The following WDR49 variants were observed in gnomAD, a reference collection of about 807,000 sequenced individuals.
The protein encoded by WDR49 is WD repeat domain 49.
WDR49 carries 107 observed loss-of-function variants against 119.5 expected under a neutral mutation model. The observed-to-expected ratio is 0.90, with a 90% CI of 0.77 to 1.05. The LOEUF (loss-of-function observed/expected upper bound fraction) is 1.05, where lower values mean the gene tolerates loss of function less well. Ranked by LOEUF, WDR49 falls within the 50% of genes least tolerant of loss-of-function variation. WDR49 has a pLI of 0.00. For synonymous variants in WDR49, 425 were observed against 418.8 expected (o/e 1.01, Z -0.18); for missense variants, 1,240 against 1,220.5 (o/e 1.02, Z -0.24).
At chr3:167,549,264 C>T (rs1397583029) in intron 10 of WDR49, among the ~76,000 whole-genome samples, 1 of 152,126 alleles carries the variant, frequency 6.6e-6, no homozygotes, top group Non-Finnish European at 1.5e-5. Context: ...TGAGGAATCG[C>T]CACACTCTCT....
At chr3:167,501,444 G>C (rs1348694748) in intron 17 of WDR49, among the ~76,000 whole-genome samples, 1 of 152,130 alleles carries the variant, frequency 6.6e-6, no homozygotes, top group Non-Finnish European at 1.5e-5. Context: ...ATGCCAGGCA[G>C]TAGTCAAAGT....
intron 16 of WDR49, among the ~76,000 whole-genome samples, chr3:167,510,414 GT>G (rs923354542): frequency 6.6e-6 from 1 of 151,820 alleles, no homozygotes; most frequent in Admixed American, 6.6e-5. Flanking sequence ...GTCCACTGTA[GT>G]TTTTTTTACT....
Position 167,604,295 on chromosome 3 carries a change from A to G in WDR49, c.1126+6T>C, listed in dbSNP as rs1334579559. Reference sequence around the variant, plus strand: ...CCTCATAGTTATCATGATTTATTTTACCTACCAATTAAATTGAGCCGAGAG... The same window carrying G: ...CCTCATAGTTATCATGATTTATTTTGCCTACCAATTAAATTGAGCCGAGAG... On this transcript the variant is annotated splice_donor_region_variant and intron_variant, in intron 6 of 18. Coordinates refer to ENST00000682715, the MANE Select transcript of WDR49 (RefSeq NM_001366157.1). 1.2e-6 allele frequency: 2 copies of G among 1,613,102 alleles called. No individual in the cohort carries two copies. Among genetic ancestry groups the G allele is most frequent in the African/African-American group, 1.3e-5 (1 of 74,992 alleles).
rs190090020 is a variant in WDR49 at position 167,621,893 on chromosome 3, C to G, written c.607-250G>C. ...TTCCTATCCCTATTCCACACAGTCACCAACATCCCCATCCATGGGAGACTA... is the reference window on the plus strand; with the variant it reads ...TTCCTATCCCTATTCCACACAGTCAGCAACATCCCCATCCATGGGAGACTA... On this transcript the variant is annotated intron_variant, in intron 3 of 18. Transcript: ENST00000682715. 2.0e-5 allele frequency among the ~76,000 whole-genome samples: 3 copies of G among 152,216 alleles called. No individual in the cohort carries two copies. The East Asian group carries it at 5.8e-4, about 29-fold the overall frequency.
upstream of WDR49, among the ~76,000 whole-genome samples, chr3:167,654,767 C>T (rs1432594046): frequency 2.6e-5 from 4 of 151,876 alleles, no homozygotes; most frequent in Admixed American, 6.6e-5. Context: ...AGCATGGTGG[C>T]GCACACCTGT....
In WDR49 at chr3:167,575,960, C is replaced by A. The variant is rs557289204; in HGVS notation, c.1467G>T (p.Glu489Asp). ...SEASKRVKSH[E>D]KAVTCVLYNS... ...TGTAAAGAACACAAGTGACTGCTTT[C>A]TCATGGCTTTTCACCCTCTTGCTGG... The change falls in exon 8 of 19, where the codon GAG becomes GAT. Residue 489 changes from glutamate to aspartate, a missense_variant. Physicochemically the swap from Glu to Asp is conservative, Grantham distance 45. Transcript: ENST00000682715. The A allele has an allele frequency of 1.2e-6, 2 of 1,614,166 alleles. No homozygotes were observed. Among genetic ancestry groups the A allele is most frequent in the South Asian group, 1.1e-5 (1 of 91,076 alleles).
At chr3:167,594,029 G>C (rs1260584832) in intron 7 of WDR49, among the ~76,000 whole-genome samples, 1 of 152,128 alleles carries the variant, frequency 6.6e-6, no homozygotes, top group East Asian at 1.9e-4. Flanking sequence ...GAGCAACTAT[G>C]AGCCAATGAA....
intron 7 of WDR49, among the ~76,000 whole-genome samples, chr3:167,587,491 C>A (rs935391875): frequency 5.9e-5 from 9 of 151,618 alleles, no homozygotes; most frequent in African/African-American, 2.2e-4. Context: ...TTTTTTTTCA[C>A]TTTTTCTTTT....
intron 10 of WDR49, among the ~76,000 whole-genome samples, chr3:167,539,646 G>A (rs1711667425): frequency 6.6e-6 from 1 of 152,004 alleles, no homozygotes; most frequent in Non-Finnish European, 1.5e-5. Context: ...TACATATTGA[G>A]TGTTCAATAA....
intron 7 of WDR49, among the ~76,000 whole-genome samples, chr3:167,598,807 A>C (rs1473835888): frequency 6.6e-6 from 1 of 152,256 alleles, no homozygotes; most frequent in Non-Finnish European, 1.5e-5. Flanking sequence ...GGGGCACCCC[A>C]AACCCAGTGA....
At chr3:167,536,162 A>G (rs1289810258) in intron 11 of WDR49, among the ~76,000 whole-genome samples, 1 of 152,098 alleles carries the variant, frequency 6.6e-6, no homozygotes, top group African/African-American at 2.4e-5. Flanking sequence ...TCTATTGCAT[A>G]GTAGGATGAC....
rs533202983 is a variant in WDR49, at chr3:167,635,618, A to G, written c.166-8326T>C. Among the ~76,000 whole-genome samples, 296 of 151,844 alleles carry G rather than the reference A, an allele frequency of 1.9e-3. 3 individuals are homozygous for G. Among genetic ancestry groups the G allele is most frequent in the South Asian group, 4.3e-3 (21 of 4,832 alleles). ...AAGATAAAAGTCCCAGTTTAACACT[A>G]CTGAGAGAGGACAATCCAACTTGGT... is the stretch of plus-strand genomic sequence containing the variant. On this transcript the variant is annotated intron_variant, in intron 2 of 18. Coordinates refer to ENST00000682715, the MANE Select transcript of WDR49 (RefSeq NM_001366157.1).
chr3:167,645,703 C>T (rs1156618538), intron 2 of WDR49, among the ~76,000 whole-genome samples: 3 of 152,086 alleles, frequency 2.0e-5, no homozygotes, highest in Non-Finnish European at 1.5e-5. Flanking sequence ...TTTGTAAGGT[C>T]CAGTCTTAAA....
chr3:167,573,669 A>T lies in WDR49; in HGVS notation c.1509+2249T>A, dbSNP rs556459858. ...GATGAAAATAATTTTGACCTCCCAG[A>T]TTCCCTGAGAGAATCTGAGTCTCCC... is the stretch of plus-strand genomic sequence containing the variant. On this transcript the variant is annotated intron_variant, in intron 8 of 18. Transcript: ENST00000682715. Among the ~76,000 whole-genome samples the T allele has an allele frequency of 4.1e-4, 63 of 152,258 alleles. 1 individual carries two copies. The South Asian group carries it at 9.1e-3, about 22-fold the overall frequency.
At chr3:167,490,881 G>A (rs1452852785) in intron 18 of WDR49, among the ~76,000 whole-genome samples, 8 of 151,870 alleles carry the variant, frequency 5.3e-5, no homozygotes, top group Admixed American at 4.6e-4. Flanking sequence ...AATTGGACTG[G>A]TCTGCTACCT....
intron 8 of WDR49, among the ~76,000 whole-genome samples, chr3:167,563,557 G>A (rs1049874787): frequency 3.9e-5 from 6 of 151,932 alleles, no homozygotes; most frequent in Non-Finnish European, 8.8e-5. Flanking sequence ...GATTGTGCAG[G>A]ATTTTATTAT....
At chr3:167,483,616 T>C (rs765074159) in intron 18 of WDR49, among the ~76,000 whole-genome samples, 1 of 152,192 alleles carries the variant, frequency 6.6e-6, no homozygotes, top group African/African-American at 2.4e-5. Context: ...ATTACAAATA[T>C]AAATTTATTT....
intron 18 of WDR49, among the ~76,000 whole-genome samples, chr3:167,486,014 C>A (rs540599597): frequency 3.3e-5 from 5 of 151,958 alleles, no homozygotes; most frequent in African/African-American, 4.8e-5. Flanking sequence ...GGTCAAGTCA[C>A]ATACAGAGAG....
chr3:167,559,561 G>C (rs1463368262), intron 9 of WDR49, among the ~76,000 whole-genome samples: 1 of 152,172 alleles, frequency 6.6e-6, no homozygotes, highest in Non-Finnish European at 1.5e-5. Context: ...ATAAGATTAT[G>C]ATTATTCTTT....
Sources: allele counts gnomAD v4.1 joint callset (sites outside exome capture counted in the v4.1 genomes callset), GRCh38; gene constraint gnomAD v4.1.1; transcripts MANE v1.5; gene names NCBI Gene and HGNC (gene_info 2026-07-23, HGNC 2026-07-21).